LAMA2: variants seen among roughly 807,000 people sequenced by gnomAD.
The protein encoded by LAMA2 is laminin subunit alpha-2.
A neutral mutation model predicts 364.8 loss-of-function variants in LAMA2; 269 were observed. The ratio of observed to expected loss-of-function variants is 0.74; its 90% CI spans 0.67 to 0.82. The LOEUF is 0.82. Among genes scored for constraint, LAMA2 ranks in the 40% least tolerant of loss-of-function variants. The pLI is 0.00. For missense variants in LAMA2, 3,807 were observed against 3,873.2 expected (o/e 0.98, Z 0.45); for synonymous variants, 1,379 against 1,370.6 (o/e 1.01, Z -0.14).
At chr6:129,154,058 A>G (rs1411060433) in intron 7 of LAMA2, among the ~76,000 whole-genome samples, 1 of 152,226 alleles carries the variant, frequency 6.6e-6, no homozygotes, top group Non-Finnish European at 1.5e-5. Flanking sequence ...TACCTCCAAT[A>G]CATCCAGATA....
intron 1 of LAMA2, among the ~76,000 whole-genome samples, chr6:128,981,598 A>G (rs1308614992): frequency 2.7e-5 from 4 of 145,532 alleles, no homozygotes; most frequent in African/African-American, 1.0e-4. Flanking sequence ...AAAAAAAAAA[A>G]AAAATTGCTG....
intron 5 of LAMA2, among the ~76,000 whole-genome samples, chr6:129,146,140 CAT>C (rs777478084): frequency 6.6e-6 from 1 of 151,794 alleles, no homozygotes; most frequent in Non-Finnish European, 1.5e-5. Flanking sequence ...TGTCCACCTA[CAT>C]ATTCTAGCTA....
At chr6:129,139,047 A>T (rs183537898) in intron 4 of LAMA2, among the ~76,000 whole-genome samples, 10 of 152,248 alleles carry the variant, frequency 6.6e-5, no homozygotes, top group Admixed American at 4.6e-4. Flanking sequence ...TGAGAACTGG[A>T]CATTTCATTT....
chr6:129,171,414 T>A (rs1246136213), intron 9 of LAMA2, among the ~76,000 whole-genome samples: 1 of 151,868 alleles, frequency 6.6e-6, no homozygotes, highest in Non-Finnish European at 1.5e-5. Context: ...TAAAGTATTT[T>A]ATTTCTCCTT....
In LAMA2 at chr6:129,478,830, T is replaced by C. The variant is rs775236182; in HGVS notation, c.7572+17T>C. 4 of 1,608,178 alleles carry C rather than the reference T, an allele frequency of 2.5e-6. No individual in the cohort carries two copies. Among genetic ancestry groups the C allele is most frequent in the Admixed American group, 1.7e-5 (1 of 59,976 alleles). On this transcript the variant is annotated intron_variant, in intron 54 of 64. Transcript: ENST00000421865. ...TCCCTGGAGGTTGGTCTGTTTTTGATAGTTCTCTAAACACATTTATATCAG... is the reference window on the plus strand; with the variant it reads ...TCCCTGGAGGTTGGTCTGTTTTTGACAGTTCTCTAAACACATTTATATCAG...
At position 129,160,578 on chromosome 6, in the gene LAMA2, A is replaced by G. The variant is rs560470480; in HGVS notation, c.1207-4998A>G. On this transcript the variant is annotated intron_variant, in intron 8 of 64. Coordinates refer to ENST00000421865, the MANE Select transcript of LAMA2 (RefSeq NM_000426.4). ...TTTGTGTTTTTATTGATTCTGTTCT[A>G]TTTATTATATTATTCATTTGACCTG... Among the ~76,000 whole-genome samples, 5 of 151,648 alleles carry G rather than the reference A, an allele frequency of 3.3e-5. No homozygotes were observed. In the South Asian group the frequency reaches 6.2e-4, roughly 19 times the overall value.
chr6:129,371,237 G>T (rs1419038560), intron 34 of LAMA2, among the ~76,000 whole-genome samples: 1 of 129,830 alleles, frequency 7.7e-6, no homozygotes, highest in Admixed American at 8.7e-5. Flanking sequence ...TGTCTTCAAA[G>T]AACTTTGAGA....
At position 129,251,040 on chromosome 6, in the gene LAMA2, TTCTCTCTCTCTC is replaced by T. The variant is rs66896334; in HGVS notation, c.1884+853_1884+864del. Among the ~76,000 whole-genome samples the T allele has an allele frequency of 6.7e-3, 410 of 61,650 alleles. 3 individuals carry two copies. The highest frequency in any genetic ancestry group is 9.5e-3 in the Non-Finnish European group (315 of 33,244). The allele number at this position is 61,650 out of a possible 152,430, so 40.4% of individuals were successfully genotyped here. A position where few individuals can be genotyped will look rare whatever the true frequency, so the allele number is the denominator to read the frequency against. On this transcript the variant is annotated intron_variant, in intron 13 of 64. Coordinates refer to ENST00000421865, the MANE Select transcript of LAMA2 (RefSeq NM_000426.4). Reference sequence around the variant, plus strand: ...TTTCTCTCTCTCTCTGTCTCTCTCTTTCTCTCTCTCTCTCTCTCTCTCTCTCTCTCTCTCTCT... The same window carrying T: ...TTTCTCTCTCTCTCTGTCTCTCTCTTTCTCTCTCTCTCTCTCTCTCTCTCT...
In LAMA2 at chr6:129,320,609, T is replaced by C. The variant is rs764778619; in HGVS notation, c.4130T>C (p.Ile1377Thr). 12 of 1,613,632 alleles carry C rather than the reference T, an allele frequency of 7.4e-6. No individual in the cohort carries two copies. Among genetic ancestry groups the C allele is most frequent in the Non-Finnish European group, 1.0e-5 (12 of 1,179,610 alleles). The change falls in exon 28 of 65, where the codon ATT becomes ACT. Residue 1377 changes from isoleucine to threonine, a missense_variant. Transcript: ENST00000421865. ...GTTMTPPADLIEKCDCPLGYS... is the reference protein window; with the variant it reads ...GTTMTPPADLTEKCDCPLGYS... Reference sequence around the variant, plus strand: ...ACAATGACTCCTCCAGCTGACTTGATTGAAAAATGTGATTGTCCCCTGGGC... The same window carrying C: ...ACAATGACTCCTCCAGCTGACTTGACTGAAAAATGTGATTGTCCCCTGGGC...
At chr6:129,383,746 C>T (rs1175810255) in intron 35 of LAMA2, among the ~76,000 whole-genome samples, 1 of 152,070 alleles carries the variant, frequency 6.6e-6, no homozygotes, top group African/African-American at 2.4e-5. Context: ...TTAGTTCTTG[C>T]CATCTACTAA....
intron 8 of LAMA2, among the ~76,000 whole-genome samples, chr6:129,161,993 A>T (rs1377786765): frequency 6.6e-6 from 1 of 152,174 alleles, no homozygotes; most frequent in Non-Finnish European, 1.5e-5. Context: ...ATAGAATGAT[A>T]TATATTCCTT....
chr6:129,019,611 A>C (rs1785286664), intron 1 of LAMA2, among the ~76,000 whole-genome samples: 1 of 152,022 alleles, frequency 6.6e-6, no homozygotes, highest in Admixed American at 6.6e-5. Flanking sequence ...TTTGCTTTTA[A>C]AAATATTATC....
chr6:129,076,656 A>G (rs1194591242), intron 3 of LAMA2, among the ~76,000 whole-genome samples: 2 of 151,430 alleles, frequency 1.3e-5, no homozygotes, highest in Non-Finnish European at 2.9e-5. Flanking sequence ...TAATTTTTCA[A>G]TTAAGGAAAT....
chr6:128,934,369 G>A (rs1779683523), intron 1 of LAMA2, among the ~76,000 whole-genome samples: 1 of 152,044 alleles, frequency 6.6e-6, no homozygotes, highest in African/African-American at 2.4e-5. Flanking sequence ...GACCCATGGT[G>A]CTTCTGGCTT....
chr6:129,269,264 T>C (rs757132806), intron 16 of LAMA2, among the ~76,000 whole-genome samples: 1 of 152,046 alleles, frequency 6.6e-6, no homozygotes, highest in Non-Finnish European at 1.5e-5. Context: ...TTGCTTCTTC[T>C]CATAGTTCTT....
chr6:129,158,760 T>A, intron 8 of LAMA2: 1 of 1,614,238 alleles, frequency 6.2e-7, no homozygotes, highest in Non-Finnish European at 8.5e-7. Flanking sequence ...CATTCTATTG[T>A]CCGGCGTAGC....
chr6:129,009,209 T>C (rs1562915264), intron 1 of LAMA2, among the ~76,000 whole-genome samples: 1 of 152,176 alleles, frequency 6.6e-6, no homozygotes, highest in East Asian at 1.9e-4. Context: ...TAAAAGTCTA[T>C]AAAATACTTA....
At chr6:129,198,320 AGCT>A (rs1781970585) in intron 12 of LAMA2, among the ~76,000 whole-genome samples, 1 of 152,118 alleles carries the variant, frequency 6.6e-6, no homozygotes, top group Non-Finnish European at 1.5e-5. Flanking sequence ...CCAAGTCATC[AGCT>A]AATAAACCAA....
At chr6:128,902,014 A>G (rs66539661) in intron 1 of LAMA2, among the ~76,000 whole-genome samples, 18,787 of 152,168 alleles carry the variant, frequency 0.12, 1,401 homozygotes, top group African/African-American at 0.21. Flanking sequence ...TACAATCATG[A>G]CAGAAGGGAA....
Sources: allele counts gnomAD v4.1 joint callset (sites outside exome capture counted in the v4.1 genomes callset), GRCh38; gene constraint gnomAD v4.1.1; transcripts MANE v1.5; gene names NCBI Gene and HGNC (gene_info 2026-07-23, HGNC 2026-07-21).